Variants in RP9 observed in about 807,000 individuals in gnomAD.
The protein encoded by RP9 is retinitis pigmentosa 9 protein.
In RP9, 23 loss-of-function variants were observed where a neutral mutation model predicts 32.6. That is an observed-to-expected ratio of 0.71 (90% CI 0.51 to 1.00). RP9 has a LOEUF of 1.00. Among genes scored for constraint, RP9 ranks in the 50% least tolerant of loss-of-function variants. The probability of loss-of-function intolerance (pLI) is 0.00; values close to 1 mark genes in which losing one functional copy is unlikely to be tolerated. For synonymous variants in RP9, 94 were observed against 103.6 expected (o/e 0.91, Z 0.56); for missense variants, 245 against 285.3 (o/e 0.86, Z 1.02).
At chr7:33,101,026 C>T (rs2128032800) in intron 1 of RP9, 1 of 306,668 alleles carries the variant, frequency 3.3e-6, no homozygotes, top group Non-Finnish European at 6.4e-6. Context: ...TTTTTTGAGA[C>T]AGGGTCTTGT....
chr7:33,109,395 G>A lies in RP9; in HGVS notation c.-23C>T, dbSNP rs1159009212. On this transcript the variant is annotated 5_prime_UTR_variant, in exon 1 of 6. Coordinates refer to ENST00000297157, the MANE Select transcript of RP9 (RefSeq NM_203288.2). This position sits in a 1 kb window ranked among gnomAD's most constrained non-coding sequence, Gnocchi z 4.9. ...CATGTCAGCCCCCGCAGCGCCGCTC[G>A]GGCAACCCCCGCGGCGCGGCTCCGG... 3 of 1,175,202 alleles carry A rather than the reference G, an allele frequency of 2.6e-6. No homozygotes were observed. The highest frequency in any genetic ancestry group is 3.2e-6 in the Non-Finnish European group (3 of 951,258). 72.8% of individuals were successfully genotyped at this position (1,175,202 alleles called of 1,614,324 possible).
At position 33,109,144 on chromosome 7, in the gene RP9, G is replaced by C. The variant is rs1788544349; in HGVS notation, c.152+77C>G. The C allele has an allele frequency of 6.9e-7, 1 of 1,448,714 alleles. No homozygotes were observed. The highest frequency in any genetic ancestry group is 9.1e-7 in the Non-Finnish European group (1 of 1,101,220). The allele number at this position is 1,448,714 out of a possible 1,614,324, so 89.7% of individuals were successfully genotyped here. A position where few individuals can be genotyped will look rare whatever the true frequency, so the allele number is the denominator to read the frequency against. Reference sequence around the variant, plus strand: ...GGGGGCTCGGAGGACCCGGCCTAGCGCCCACCGCGGCGTCCCGCGCCCCGG... The same window carrying C: ...GGGGGCTCGGAGGACCCGGCCTAGCCCCCACCGCGGCGTCCCGCGCCCCGG... On this transcript the variant is annotated intron_variant, in intron 1 of 5. Coordinates refer to ENST00000297157, the MANE Select transcript of RP9 (RefSeq NM_203288.2). This position sits in a 1 kb window ranked among gnomAD's most constrained non-coding sequence, Gnocchi z 4.9.
intron 3 of RP9, 25 bp from the exon 4 acceptor site, chr7:33,097,387 C>A (rs1179117441): frequency 2.0e-6 from 3 of 1,534,744 alleles, no homozygotes; most frequent in Non-Finnish European, 2.7e-6. Flanking sequence ...AGAAATATTT[C>A]TGTAAGATAA....
chr7:33,096,222 A>G (rs1477147037), intron 5 of RP9, among the ~76,000 whole-genome samples: 3 of 152,256 alleles, frequency 2.0e-5, no homozygotes, highest in Non-Finnish European at 4.4e-5. Context: ...ATACTGTACA[A>G]GTAGACAGCA....
chr7:33,096,586 AGGC>A (rs1318832766), intron 4 of RP9, 32 bp from the exon 5 acceptor site: 1 of 1,457,276 alleles, frequency 6.9e-7, no homozygotes. Flanking sequence ...AGGTTTGGTT[AGGC>A]TTCATGGATC....
chr7:33,097,259 G>T lies in RP9; in HGVS notation c.405+12C>A. 6.3e-7 allele frequency: 1 copy of T among 1,578,868 alleles called. No homozygotes were observed. Among genetic ancestry groups the T allele is most frequent in the Non-Finnish European group, 8.7e-7 (1 of 1,148,022 alleles). ...TGATAAATGTAAATTGACACTCTTGGACTTTACTTACCACTCTGAACTGCT... is the reference window on the plus strand; with the variant it reads ...TGATAAATGTAAATTGACACTCTTGTACTTTACTTACCACTCTGAACTGCT... On this transcript the variant is annotated intron_variant, in intron 4 of 5. Transcript: ENST00000297157.
intron 1 of RP9, among the ~76,000 whole-genome samples, chr7:33,103,735 A>G (rs960179897): frequency 6.6e-6 from 1 of 152,172 alleles, no homozygotes; most frequent in Non-Finnish European, 1.5e-5. Context: ...AGGGGGGATC[A>G]CTTGAGCCCA....
intron 5 of RP9, among the ~76,000 whole-genome samples, chr7:33,095,794 C>T (rs1026211234): frequency 6.6e-6 from 1 of 152,018 alleles, no homozygotes; most frequent in Non-Finnish European, 1.5e-5. Context: ...AAAAACAAAC[C>T]CTCCAATTTT....
chr7:33,099,946 T>C (rs1365240518), intron 2 of RP9, among the ~76,000 whole-genome samples: 1 of 152,244 alleles, frequency 6.6e-6, no homozygotes, highest in Admixed American at 6.5e-5. Context: ...TTTTGGATTT[T>C]TTTCAAGTTT....
chr7:33,106,035 AAATT>A (rs1788493477), intron 1 of RP9, among the ~76,000 whole-genome samples: 1 of 152,244 alleles, frequency 6.6e-6, no homozygotes, highest in Non-Finnish European at 1.5e-5. Context: ...CAGCAGTAGA[AAATT>A]AAGTAAGTGA....
chr7:33,103,613 C>T (rs1788458121), intron 1 of RP9, among the ~76,000 whole-genome samples: 1 of 151,862 alleles, frequency 6.6e-6, no homozygotes, highest in African/African-American at 2.4e-5. Context: ...CAGGAGTTCG[C>T]GACCAGCCTG....
intron 1 of RP9, among the ~76,000 whole-genome samples, chr7:33,103,269 A>G (rs1030457086): frequency 1.2e-4 from 19 of 152,136 alleles, no homozygotes; most frequent in African/African-American, 4.3e-4. Flanking sequence ...AGCCTCTCCA[A>G]TTCAGCAACA....
intron 1 of RP9, among the ~76,000 whole-genome samples, chr7:33,105,048 TATAAAG>T (rs1584004294): frequency 2.6e-5 from 4 of 152,122 alleles, no homozygotes; most frequent in Non-Finnish European, 5.9e-5. Flanking sequence ...AGAGTAAACT[TATAAAG>T]AGGAAGACAT....
intron 1 of RP9, among the ~76,000 whole-genome samples, chr7:33,108,047 T>C (rs1026777026): frequency 2.0e-5 from 3 of 152,226 alleles, no homozygotes; most frequent in Admixed American, 6.5e-5. Context: ...CAGGTACTTA[T>C]AACAGTAGGT....
rs975151444 is a variant in RP9 at position 33,109,016 on chromosome 7, G to A, written c.152+205C>T. ...GGTGCCGAGCGGCAGTTGGCTCCCT[G>A]AACGCCCCGCCAGGAGGATGGACTT... On this transcript the variant is annotated intron_variant, in intron 1 of 5. Coordinates refer to ENST00000297157, the MANE Select transcript of RP9 (RefSeq NM_203288.2). The surrounding 1 kb of genome is among the most constrained non-coding windows in gnomAD (Gnocchi z 4.9). Among the ~76,000 whole-genome samples the A allele has an allele frequency of 6.6e-6, 1 of 152,102 alleles. No homozygotes were observed. Among genetic ancestry groups the A allele is most frequent in the African/African-American group, 2.4e-5 (1 of 41,420 alleles).
chr7:33,108,927 T>C (rs552688695), intron 1 of RP9, among the ~76,000 whole-genome samples: 2 of 152,298 alleles, frequency 1.3e-5, no homozygotes, highest in South Asian at 4.1e-4. Context: ...CCCGGGTCAT[T>C]TGGACTCTCC....
At chr7:33,098,569 C>T (rs1443039826) in intron 3 of RP9, among the ~76,000 whole-genome samples, 1 of 151,798 alleles carries the variant, frequency 6.6e-6, no homozygotes, top group African/African-American at 2.4e-5. Context: ...TCCCAGAACA[C>T]TCATAGTATG....
chr7:33,101,071 C>T (rs2128032807), intron 1 of RP9, among the ~76,000 whole-genome samples: 1 of 151,918 alleles, frequency 6.6e-6, no homozygotes, highest in East Asian at 1.9e-4. Context: ...CCCCTGGCCT[C>T]AAGCAATCCT....
intron 3 of RP9, among the ~76,000 whole-genome samples, chr7:33,098,604 C>T (rs1009762159): frequency 6.6e-6 from 1 of 152,156 alleles, no homozygotes; most frequent in Non-Finnish European, 1.5e-5. Context: ...TGGGAGCCTT[C>T]TCTGGGAAAA....
Sources: gnomAD v4.1 joint callset for allele counts (sites outside exome capture counted in the v4.1 genomes callset) on GRCh38, gnomAD v4.1.1 for gene constraint, Gnocchi (gnomAD v3.1) non-coding constraint, MANE v1.5 for transcripts, NCBI Gene and HGNC (gene_info 2026-07-23, HGNC 2026-07-21) for gene names.